NKAIN2: variants seen among roughly 807,000 people sequenced by gnomAD.
NKAIN2 encodes sodium/potassium-transporting ATPase subunit beta-1-interacting protein 2.
Under a neutral mutation model 32.6 loss-of-function variants are expected in NKAIN2, and 14 were observed. The ratio of observed to expected loss-of-function variants is 0.43; its 90% confidence interval spans 0.28 to 0.67. The LOEUF (loss-of-function observed/expected upper bound fraction) is 0.67. NKAIN2 is among the 30% of genes least tolerant of loss of function. The pLI, the probability that NKAIN2 is intolerant of heterozygous loss-of-function variation, is 0.17. For synonymous variants in NKAIN2, 80 were observed against 87.2 expected, an observed-to-expected ratio of 0.92 and a Z score of 0.46; for missense variants, 198 against 258.3, an observed-to-expected ratio of 0.77 and a Z score of 1.60.
intron 4 of NKAIN2, among the ~76,000 whole-genome samples, chr6:124,760,129 C>T (rs1408241324): frequency 6.6e-6 from 1 of 151,980 alleles, no homozygotes; most frequent in South Asian, 2.1e-4. Flanking sequence ...AGGCCATTAT[C>T]CTTAGCAAAC....
chr6:124,416,059 A>T (rs1313672585), intron 3 of NKAIN2, among the ~76,000 whole-genome samples: 1 of 151,786 alleles, frequency 6.6e-6, no homozygotes, highest in Non-Finnish European at 1.5e-5. Flanking sequence ...GGAAAGATAG[A>T]CAACAATTTT....
intron 3 of NKAIN2, among the ~76,000 whole-genome samples, chr6:124,526,990 T>C (rs1779343767): frequency 6.6e-6 from 1 of 152,214 alleles, no homozygotes; most frequent in Admixed American, 6.5e-5. Context: ...GTGTACTTTG[T>C]GTCTTAAGTA....
chr6:123,858,155 G>C (rs563521387), intron 1 of NKAIN2, among the ~76,000 whole-genome samples: 1 of 149,922 alleles, frequency 6.7e-6, no homozygotes, highest in African/African-American at 2.4e-5. Context: ...TCGCTCTGTC[G>C]CCCAGACTGG....
rs551139265 is a variant in NKAIN2 at position 124,044,327 on chromosome 6, T to C, written c.55-238678T>C. 2.0e-5 allele frequency among the ~76,000 whole-genome samples: 3 copies of C among 152,080 alleles called. No individual in the cohort carries two copies. The South Asian group carries it at 6.2e-4, about 32-fold the overall frequency. ...AAAGACGGGAGTAAAATCCTCCATA[T>C]ATAAAAACTGTGGAATGTTTTCCAC... On this transcript the variant is annotated intron_variant, in intron 1 of 6. Coordinates refer to ENST00000368417, the MANE Select transcript of NKAIN2 (RefSeq NM_001040214.3).
At chr6:124,293,917 T>C (rs1378114400) in intron 2 of NKAIN2, among the ~76,000 whole-genome samples, 1 of 152,158 alleles carries the variant, frequency 6.6e-6, no homozygotes, top group Non-Finnish European at 1.5e-5. Flanking sequence ...TATTTGCTAA[T>C]TTTTATGGCA....
chr6:124,532,572 T>C (rs555178232), intron 3 of NKAIN2, among the ~76,000 whole-genome samples: 5 of 152,246 alleles, frequency 3.3e-5, no homozygotes, highest in East Asian at 1.9e-4. Context: ...AAAGCTGGGA[T>C]TGTCACAGGA....
intron 3 of NKAIN2, among the ~76,000 whole-genome samples, chr6:124,500,125 A>T (rs1778227619): frequency 6.6e-6 from 1 of 152,336 alleles, no homozygotes; most frequent in Admixed American, 6.5e-5. Context: ...AGATTCTGAA[A>T]AAACTATTTA....
At chr6:124,516,794 A>T (rs764671063) in intron 3 of NKAIN2, among the ~76,000 whole-genome samples, 2 of 152,170 alleles carry the variant, frequency 1.3e-5, no homozygotes, top group Non-Finnish European at 2.9e-5. Flanking sequence ...AAAGAGTTCA[A>T]ACTGAGTCAC....
At chr6:124,615,931 C>G (rs1435329729) in intron 3 of NKAIN2, among the ~76,000 whole-genome samples, 3 of 151,984 alleles carry the variant, frequency 2.0e-5, no homozygotes, top group Non-Finnish European at 4.4e-5. Flanking sequence ...TTTAATTTCT[C>G]TTATAGTTTC....
intron 1 of NKAIN2, among the ~76,000 whole-genome samples, chr6:124,168,768 A>T (rs571523356): frequency 1.3e-5 from 2 of 152,254 alleles, no homozygotes; most frequent in South Asian, 4.1e-4. Flanking sequence ...TGTAAATTTT[A>T]TTAAGTATAT....
intron 1 of NKAIN2, among the ~76,000 whole-genome samples, chr6:124,093,180 A>C (rs1051412745): frequency 2.6e-5 from 4 of 152,078 alleles, no homozygotes; most frequent in Admixed American, 2.6e-4. Flanking sequence ...GTATATATCT[A>C]TGGGGAAGAC....
intron 2 of NKAIN2, among the ~76,000 whole-genome samples, chr6:124,333,030 A>G (rs1797726864): frequency 1.3e-5 from 2 of 152,190 alleles, no homozygotes; most frequent in Non-Finnish European, 2.9e-5. Flanking sequence ...AAATATTATT[A>G]ACAATTGAAT....
chr6:123,905,734 A>G (rs1774834229), intron 1 of NKAIN2, among the ~76,000 whole-genome samples: 1 of 152,158 alleles, frequency 6.6e-6, no homozygotes. Context: ...AATATCTGGG[A>G]AACACTACCA....
intron 4 of NKAIN2, among the ~76,000 whole-genome samples, chr6:124,664,872 AAAGAG>A (rs1368691110): frequency 1.3e-5 from 2 of 151,560 alleles, no homozygotes; most frequent in African/African-American, 4.8e-5. Flanking sequence ...TGGAGTTCAC[AAAGAG>A]AAGAAATTAC....
At chr6:124,184,182 A>G (rs1321619354) in intron 1 of NKAIN2, among the ~76,000 whole-genome samples, 1 of 152,160 alleles carries the variant, frequency 6.6e-6, no homozygotes, top group African/African-American at 2.4e-5. Flanking sequence ...GGGATATGCC[A>G]AACATTCTGG....
chr6:124,238,635 C>T (rs1792908361), intron 1 of NKAIN2, among the ~76,000 whole-genome samples: 1 of 151,986 alleles, frequency 6.6e-6, no homozygotes, highest in Non-Finnish European at 1.5e-5. Flanking sequence ...GCTAAGGTAC[C>T]CACCTCATCT....
At chr6:124,729,209 G>A (rs1274636142) in intron 4 of NKAIN2, among the ~76,000 whole-genome samples, 1 of 151,468 alleles carries the variant, frequency 6.6e-6, no homozygotes, top group Non-Finnish European at 1.5e-5. Flanking sequence ...CTCATTTTAT[G>A]AGGCCAGCAT....
intron 5 of NKAIN2, among the ~76,000 whole-genome samples, chr6:124,817,678 A>C (rs79006778): frequency 0.073 from 11,094 of 152,272 alleles, 527 homozygotes; most frequent in African/African-American, 0.14. Flanking sequence ...AGGAAGGTCA[A>C]AGTCACATTG....
chr6:124,046,772 A>C (rs1782154735), intron 1 of NKAIN2, among the ~76,000 whole-genome samples: 1 of 151,954 alleles, frequency 6.6e-6, no homozygotes, highest in African/African-American at 2.4e-5. Context: ...CTTGCTGAAA[A>C]GCTGCCAAGG....
Sources: gnomAD v4.1 joint callset for allele counts (sites outside exome capture counted in the v4.1 genomes callset) on GRCh38, gnomAD v4.1.1 for gene constraint, MANE v1.5 for transcripts, NCBI Gene and HGNC (gene_info 2026-07-23, HGNC 2026-07-21) for gene names.